Variants in RGS10 observed in about 807,000 individuals in gnomAD.
The protein encoded by RGS10 is regulator of G protein signaling 10, also known as regulator of G-protein signalling 10.
In RGS10, 11 loss-of-function variants were observed where a neutral mutation model predicts 23.5. The observed-to-expected ratio is 0.47, with a 90% CI of 0.29 to 0.77. The LOEUF is 0.77. RGS10 is among the 30% of genes least tolerant of loss of function. The probability of loss-of-function intolerance (pLI) is 0.08; values close to 1 mark genes in which losing one functional copy is unlikely to be tolerated. For synonymous variants in RGS10, 77 were observed against 83.2 expected, an observed-to-expected ratio of 0.92 and a Z score of 0.41; for missense variants, 180 against 226.3, an observed-to-expected ratio of 0.80 and a Z score of 1.31.
chr10:119,542,332 C>G (rs1844442571), intron 1 of RGS10, among the ~76,000 whole-genome samples: 1 of 152,244 alleles, frequency 6.6e-6, no homozygotes, highest in Admixed American at 6.5e-5. Flanking sequence ...TTCTCCCAGA[C>G]CATCACTAAA....
intron 4 of RGS10, among the ~76,000 whole-genome samples, chr10:119,514,184 C>T (rs773538635): frequency 2.3e-4 from 34 of 150,800 alleles, no homozygotes; most frequent in East Asian, 4.0e-4. Context: ...GGTAAAACCC[C>T]GTCTCTACTA....
At chr10:119,536,479 G>A in intron 1 of RGS10, 1 of 1,612,760 alleles carries the variant, frequency 6.2e-7, no homozygotes, top group Non-Finnish European at 8.5e-7. Flanking sequence ...ATGCTCTGGT[G>A]TCCACCTGAG....
rs1243949159 is a variant in RGS10 at position 119,500,265 on chromosome 10, G to A, written c.400-6C>T. Reference sequence around the variant, plus strand: ...TACTTCATGAGATTAAAGATCTAAGGAGGAAAAGAAAAAAGAGTCTGAAGG... The same window carrying A: ...TACTTCATGAGATTAAAGATCTAAGAAGGAAAAGAAAAAAGAGTCTGAAGG... On this transcript the variant is annotated splice_polypyrimidine_tract_variant and splice_region_variant and intron_variant, in intron 4 of 4. Transcript: ENST00000369103. 5.0e-6 allele frequency: 8 copies of A among 1,602,406 alleles called. No homozygotes were observed. The highest frequency in any genetic ancestry group is 2.7e-5 in the African/African-American group (2 of 73,884).
intron 3 of RGS10, among the ~76,000 whole-genome samples, chr10:119,518,623 A>G (rs1002683627): frequency 4.6e-5 from 7 of 151,606 alleles, no homozygotes; most frequent in African/African-American, 1.5e-4. Flanking sequence ...GCCCTCCCCA[A>G]TCGAACCTTC....
chr10:119,536,392 G>C, intron 1 of RGS10: 1 of 1,417,924 alleles, frequency 7.1e-7, no homozygotes, highest in Non-Finnish European at 9.9e-7. Context: ...ACTCTTCCCA[G>C]CCCCTGCCCC....
chr10:119,516,750 A>G (rs934200295), intron 3 of RGS10, among the ~76,000 whole-genome samples: 2 of 152,018 alleles, frequency 1.3e-5, no homozygotes, highest in Non-Finnish European at 2.9e-5. Context: ...TGGTAAGGAG[A>G]TGACTTCACA....
intron 4 of RGS10, among the ~76,000 whole-genome samples, chr10:119,512,656 T>C (rs1844091998): frequency 6.6e-6 from 1 of 152,136 alleles, no homozygotes; most frequent in Non-Finnish European, 1.5e-5. Flanking sequence ...TAAGCAGTTC[T>C]CCTGCCTCAG....
chr10:119,535,839 G>GCA (rs1215779314), intron 1 of RGS10, among the ~76,000 whole-genome samples: 2 of 152,106 alleles, frequency 1.3e-5, no homozygotes, highest in African/African-American at 2.4e-5. Flanking sequence ...GCACAGGCGT[G>GCA]CACACACACA....
At chr10:119,529,328 C>A (rs1382990647) in intron 1 of RGS10, among the ~76,000 whole-genome samples, 2 of 152,100 alleles carry the variant, frequency 1.3e-5, no homozygotes, top group Non-Finnish European at 2.9e-5. Context: ...GTGGTGGGTG[C>A]CTGTAGTCCC....
At chr10:119,541,206 G>A (rs895217537) in intron 1 of RGS10, among the ~76,000 whole-genome samples, 7 of 152,120 alleles carry the variant, frequency 4.6e-5, no homozygotes, top group Non-Finnish European at 1.0e-4. Flanking sequence ...TCGAGTCCAG[G>A]CTCTGAGCAG....
chr10:119,516,599 T>C (rs1844147277), intron 3 of RGS10: 1 of 152,230 alleles, frequency 6.6e-6, no homozygotes, highest in Non-Finnish European at 1.5e-5. Context: ...AACGAGATAC[T>C]GAGCACAGCA....
chr10:119,505,839 AAC>A (rs1669392312), intron 4 of RGS10, among the ~76,000 whole-genome samples: 1 of 152,204 alleles, frequency 6.6e-6, no homozygotes, highest in Admixed American at 6.5e-5. Context: ...AGAAGACCTA[AAC>A]AAAACATGCA....
Position 119,500,016 on chromosome 10 carries a change from C to A in RGS10, c.*97G>T, listed in dbSNP as rs1843933153. 13 of 1,315,340 alleles carry A rather than the reference C, an allele frequency of 9.9e-6. No individual in the cohort carries two copies. The highest frequency in any genetic ancestry group is 1.4e-5 in the Non-Finnish European group (13 of 954,540). The allele number at this position is 1,315,340 out of a possible 1,614,324, so 81.5% of individuals were successfully genotyped here. A position where few individuals can be genotyped will look rare whatever the true frequency, so the allele number is the denominator to read the frequency against. Reference sequence around the variant, plus strand: ...TCCCATTGAAGGGTTTTGTACATTTCAGTCCTTACAAATAACAAAGCAATG... The same window carrying A: ...TCCCATTGAAGGGTTTTGTACATTTAAGTCCTTACAAATAACAAAGCAATG... On this transcript the variant is annotated 3_prime_UTR_variant, in exon 5 of 5. Transcript: ENST00000369103.
chr10:119,514,848 C>T (rs1844123424), intron 4 of RGS10, among the ~76,000 whole-genome samples: 1 of 152,056 alleles, frequency 6.6e-6, no homozygotes, highest in East Asian at 1.9e-4. Context: ...CATATGGCTA[C>T]AGTCACAAAA....
chr10:119,541,933 C>G (rs1008600090), intron 1 of RGS10, among the ~76,000 whole-genome samples: 1 of 152,252 alleles, frequency 6.6e-6, no homozygotes, highest in African/African-American at 2.4e-5. Context: ...ACGGCTCCAC[C>G]TTCACCGTGG....
chr10:119,524,297 A>G lies in RGS10; in HGVS notation c.255+1735T>C, dbSNP rs1844248595. Among the ~76,000 whole-genome samples the G allele has an allele frequency of 6.6e-6, 1 of 152,238 alleles. No homozygotes were observed. On this transcript the variant is annotated intron_variant, in intron 3 of 4. Transcript: ENST00000369103. This position sits in a 1 kb window ranked among gnomAD's most constrained non-coding sequence, Gnocchi z 5.2. ...ATTCAACTGAACGGAGGCACAGAGCAGCATGGTGGTGCAGACAACAACGGG... is the reference window on the plus strand; with the variant it reads ...ATTCAACTGAACGGAGGCACAGAGCGGCATGGTGGTGCAGACAACAACGGG...
chr10:119,505,918 C>A (rs1303724382), intron 4 of RGS10, among the ~76,000 whole-genome samples: 4 of 152,216 alleles, frequency 2.6e-5, no homozygotes, highest in African/African-American at 9.6e-5. Context: ...AAAAATCATT[C>A]CTTAAGGCAA....
At chr10:119,520,364 C>T (rs753106219) in intron 3 of RGS10, among the ~76,000 whole-genome samples, 6 of 152,120 alleles carry the variant, frequency 3.9e-5, no homozygotes, top group Non-Finnish European at 2.9e-5. Flanking sequence ...GAAGCGCGTC[C>T]GGAGACGGCA....
At chr10:119,514,802 AC>A (rs1417910202) in intron 4 of RGS10, among the ~76,000 whole-genome samples, 3 of 152,172 alleles carry the variant, frequency 2.0e-5, no homozygotes, top group African/African-American at 7.2e-5. Context: ...GGGAGCTCTG[AC>A]AAGATTCTGA....
Sources: allele counts gnomAD v4.1 joint callset (sites outside exome capture counted in the v4.1 genomes callset), GRCh38; gene constraint gnomAD v4.1.1; non-coding constraint Gnocchi (gnomAD v3.1); transcripts MANE v1.5; gene names NCBI Gene and HGNC (gene_info 2026-07-23, HGNC 2026-07-21).